Variants in C10orf67 observed in about 807,000 individuals in gnomAD.
C10orf67 encodes the protein chromosome 10 open reading frame 67, also known as uncharacterized protein C10orf67, mitochondrial.
A neutral mutation model predicts 35.6 loss-of-function variants in C10orf67; 60 were observed. That is an observed-to-expected ratio of 1.68 (90% CI 1.37 to 2.09). The LOEUF (loss-of-function observed/expected upper bound fraction) is 2.09, where lower values mean the gene tolerates loss of function less well. C10orf67 is among the 30% of genes most tolerant of loss of function. C10orf67 has a pLI of 0.00. For missense variants in C10orf67, 474 were observed against 330.2 expected (o/e 1.44, Z -3.38); for synonymous variants, 167 against 115.8 (o/e 1.44, Z -2.84).
intron 5 of C10orf67, among the ~76,000 whole-genome samples, chr10:23,295,650 C>G (rs746089660): frequency 6.6e-6 from 1 of 151,896 alleles, no homozygotes; most frequent in Non-Finnish European, 1.5e-5. Context: ...TCAAAATTGC[C>G]TTGCCACATC....
chr10:23,241,974 T>TA (rs1469796905), intron 12 of C10orf67, among the ~76,000 whole-genome samples: 7 of 151,840 alleles, frequency 4.6e-5, no homozygotes, highest in African/African-American at 1.7e-4. Context: ...TTTTTTTTTT[T>TA]TAATTTACTC....
At chr10:23,217,987 C>G (rs1299952474) in intron 15 of C10orf67, among the ~76,000 whole-genome samples, 2 of 152,088 alleles carry the variant, frequency 1.3e-5, no homozygotes, top group Non-Finnish European at 2.9e-5. Flanking sequence ...TTTTTCAATC[C>G]CAATCTGACC....
intron 8 of C10orf67, among the ~76,000 whole-genome samples, chr10:23,275,226 C>T (rs1043326915): frequency 5.9e-5 from 9 of 152,094 alleles, no homozygotes; most frequent in African/African-American, 1.2e-4. Flanking sequence ...TACAGTGGCA[C>T]GTAGTCCCAG....
At chr10:23,206,429 T>A (rs2131698534) in intron 15 of C10orf67, among the ~76,000 whole-genome samples, 1 of 152,372 alleles carries the variant, frequency 6.6e-6, no homozygotes, top group East Asian at 1.9e-4. Context: ...TGTATGTATA[T>A]ATATGCACAT....
chr10:23,260,787 A>G (rs1288288833), intron 10 of C10orf67, among the ~76,000 whole-genome samples: 1 of 152,226 alleles, frequency 6.6e-6, no homozygotes, highest in African/African-American at 2.4e-5. Flanking sequence ...TGGATGCTTC[A>G]GTCTGAAATC....
rs559972778 is a variant in C10orf67, at chr10:23,239,769, C to T, written c.1394G>A (p.Arg465His). 63 of 651,988 alleles carry T rather than the reference C, an allele frequency of 9.7e-5. No homozygotes were observed. The highest frequency in any genetic ancestry group is 1.5e-4 in the Non-Finnish European group (49 of 337,822). 40.4% of individuals were successfully genotyped at this position (651,988 alleles called of 1,614,324 possible). A position where few individuals can be genotyped will look rare whatever the true frequency, so the allele number is the denominator to read the frequency against. Residue 465 changes from arginine (R) to histidine (H), a missense_variant, in exon 13 of 16, where the codon CGT (arginine) becomes CAT (histidine). Physicochemically the swap from Arg to His is conservative, Grantham distance 29 (BLOSUM62 0). Transcript: ENST00000636213. The stretch of plus-strand genomic sequence containing the variant: ...TGTGTCAGCAAGCACTGCAAACTGA[C>T]GAAACAGTGTGTGCCTTGTAAACAT... ...NEMFTRHTLFRQFAVLADTSF... is the reference protein window; with the variant it reads ...NEMFTRHTLFHQFAVLADTSF...
At chr10:23,254,167 A>G (rs1052864863) in intron 10 of C10orf67, among the ~76,000 whole-genome samples, 12 of 152,242 alleles carry the variant, frequency 7.9e-5, no homozygotes, top group African/African-American at 2.4e-4. Flanking sequence ...ACAAACACAA[A>G]TTAAATAATT....
intron 8 of C10orf67, among the ~76,000 whole-genome samples, chr10:23,270,166 A>G (rs1392233386): frequency 1.3e-5 from 2 of 152,200 alleles, no homozygotes; most frequent in Admixed American, 6.5e-5. Flanking sequence ...CAGCACCTTC[A>G]ACTGAAATAT....
At chr10:23,336,231 T>C (rs1172217654) in intron 1 of C10orf67, among the ~76,000 whole-genome samples, 1 of 152,094 alleles carries the variant, frequency 6.6e-6, no homozygotes, top group Non-Finnish European at 1.5e-5. Context: ...TTTACAAACA[T>C]AGGGAAAGAG....
intron 1 of C10orf67, among the ~76,000 whole-genome samples, chr10:23,341,928 T>C (rs1413712388): frequency 6.6e-6 from 1 of 152,090 alleles, no homozygotes; most frequent in African/African-American, 2.4e-5. Flanking sequence ...TCCCAGTACT[T>C]TGGGAGGCCG....
Position 23,229,784 on chromosome 10 carries a change from A to C in C10orf67, c.1435-5966T>G, listed in dbSNP as rs76297425. 2.8e-4 allele frequency among the ~76,000 whole-genome samples: 42 copies of C among 152,262 alleles called. 1 individual carries two copies. In the East Asian group the frequency reaches 6.8e-3, roughly 24 times the overall value. On this transcript the variant is annotated intron_variant, in intron 13 of 15. Transcript: ENST00000636213. ...AGGTACCTAAGATTACATCTAAAAA[A>C]AGGTACTTTCAAGACTTCTATAGAG...
chr10:23,244,571 A>C (rs1842268145), intron 12 of C10orf67, among the ~76,000 whole-genome samples: 1 of 152,196 alleles, frequency 6.6e-6, no homozygotes, highest in South Asian at 2.1e-4. Context: ...AGCTATCCAA[A>C]AAGAAATTTT....
intron 13 of C10orf67, among the ~76,000 whole-genome samples, chr10:23,229,972 T>A (rs1349726329): frequency 6.6e-6 from 1 of 152,160 alleles, no homozygotes; most frequent in Non-Finnish European, 1.5e-5. Context: ...TTTCTTTTGT[T>A]TTGTTTTTTT....
intron 4 of C10orf67, among the ~76,000 whole-genome samples, chr10:23,308,484 T>A (rs1262906838): frequency 6.6e-6 from 1 of 152,164 alleles, no homozygotes; most frequent in Non-Finnish European, 1.5e-5. Flanking sequence ...ATGCCAGTCT[T>A]CTCTCCTCTT....
At chr10:23,283,426 T>C (rs972356609) in intron 7 of C10orf67, among the ~76,000 whole-genome samples, 2 of 152,236 alleles carry the variant, frequency 1.3e-5, no homozygotes, top group Non-Finnish European at 2.9e-5. Flanking sequence ...CAGTTCTTTA[T>C]TGTTTCCCTG....
At chr10:23,296,252 AG>A (rs568074256) in intron 5 of C10orf67, among the ~76,000 whole-genome samples, 115 of 152,322 alleles carry the variant, frequency 7.5e-4, no homozygotes, top group African/African-American at 2.7e-3. Flanking sequence ...TACAAAAGGA[AG>A]GGACCCAAAG....
chr10:23,334,768 C>A (rs769970283), intron 1 of C10orf67, among the ~76,000 whole-genome samples: 2 of 152,196 alleles, frequency 1.3e-5, no homozygotes, highest in Non-Finnish European at 2.9e-5. Context: ...ACAAAGGGGG[C>A]ACCAGAGGAG....
chr10:23,315,438 T>C (rs1844664457), intron 4 of C10orf67, among the ~76,000 whole-genome samples: 1 of 152,120 alleles, frequency 6.6e-6, no homozygotes, highest in African/African-American at 2.4e-5. Context: ...TGTTTTTTGT[T>C]TGTTTGTTTG....
At chr10:23,285,898 G>A (rs1843512318) in intron 7 of C10orf67, among the ~76,000 whole-genome samples, 2 of 152,360 alleles carry the variant, frequency 1.3e-5, no homozygotes, top group South Asian at 2.1e-4. Flanking sequence ...CCATGGCACA[G>A]TGCAGATTTA....
Sources: allele counts gnomAD v4.1 joint callset (sites outside exome capture counted in the v4.1 genomes callset), GRCh38; gene constraint gnomAD v4.1.1; transcripts MANE v1.5; gene names NCBI Gene and HGNC (gene_info 2026-07-23, HGNC 2026-07-21).